YME1L1: variants seen among roughly 807,000 people sequenced by gnomAD.
The protein encoded by YME1L1 is YME1 like 1 ATPase, also known as ATP-dependent zinc metalloprotease YME1L1.
In YME1L1, 39 loss-of-function variants were observed where a neutral mutation model predicts 90.4. The observed-to-expected ratio is 0.43, with a 90% confidence interval of 0.33 to 0.56. The LOEUF is 0.56. Among genes scored for constraint, YME1L1 ranks in the 20% least tolerant of loss-of-function variants. The probability of loss-of-function intolerance (pLI) is 0.03; values close to 1 mark genes in which losing one functional copy is unlikely to be tolerated. For missense variants in YME1L1, 617 were observed against 868.4 expected, an observed-to-expected ratio of 0.71 and a Z score of 3.64; for synonymous variants, 284 against 287.3, an observed-to-expected ratio of 0.99 and a Z score of 0.12.
chr10:27,144,794 G>C (rs541620920), intron 3 of YME1L1, among the ~76,000 whole-genome samples: 19 of 152,244 alleles, frequency 1.2e-4, no homozygotes, highest in African/African-American at 3.6e-4. Context: ...CTAGTGATTT[G>C]GTGAAAACAA....
chr10:27,118,326 G>C (rs1280318289), intron 14 of YME1L1, among the ~76,000 whole-genome samples: 1 of 152,014 alleles, frequency 6.6e-6, no homozygotes, highest in African/African-American at 2.4e-5. Context: ...CTGTAACCCA[G>C]GCTGGAATAC....
At chr10:27,137,643 G>A (rs186757026) in intron 4 of YME1L1, among the ~76,000 whole-genome samples, 48 of 152,116 alleles carry the variant, frequency 3.2e-4, no homozygotes, top group Admixed American at 1.9e-3. Context: ...CAAGTCTGAC[G>A]GGCAAAAATA....
intron 2 of YME1L1, chr10:27,147,348 TAAAAC>T: frequency 1.4e-6 from 2 of 1,427,546 alleles, no homozygotes; most frequent in South Asian, 1.2e-5. Context: ...TTAAAAATGA[TAAAAC>T]AAACAAACAA....
At chr10:27,113,807 T>C (rs1356754143) in intron 18 of YME1L1, among the ~76,000 whole-genome samples, 1 of 150,810 alleles carries the variant, frequency 6.6e-6, no homozygotes, top group African/African-American at 2.4e-5. Context: ...CTGGGCAATA[T>C]AGCAAGACCC....
Position 27,127,577 on chromosome 10 carries a change from T to C in YME1L1, c.859-791A>G, listed in dbSNP as rs530468718. ...AAATAAACCTCAACTCCAAGTAACA[T>C]AGATGGATCTCACAAACATGTTGAA... On this transcript the variant is annotated intron_variant, in intron 8 of 18. Coordinates refer to ENST00000376016, the MANE Select transcript of YME1L1 (RefSeq NM_014263.4). 2.2e-4 allele frequency among the ~76,000 whole-genome samples: 34 copies of C among 152,292 alleles called. 1 individual carries two copies. The East Asian group carries it at 4.8e-3, about 22-fold the overall frequency.
intron 2 of YME1L1, among the ~76,000 whole-genome samples, chr10:27,148,047 C>A (rs1490951494): frequency 1.3e-5 from 2 of 152,144 alleles, no homozygotes; most frequent in African/African-American, 4.8e-5. Flanking sequence ...CTGACTCTAT[C>A]TCAGCCCTAG....
At chr10:27,117,544 G>T (rs771231660) in intron 15 of YME1L1, 32 bp downstream of exon 15, 3 of 1,606,308 alleles carry the variant, frequency 1.9e-6, no homozygotes, top group South Asian at 1.1e-5. Flanking sequence ...CTCCAGCCTG[G>T]GTGACAGGGC....
At position 27,154,325 on chromosome 10, in the gene YME1L1, C is replaced by T; in HGVS notation, c.-115G>A. 7.8e-7 allele frequency: 1 copy of T among 1,285,474 alleles called. No individual in the cohort carries two copies. The allele number at this position is 1,285,474 out of a possible 1,614,324, so 79.6% of individuals were successfully genotyped here. On this transcript the variant is annotated 5_prime_UTR_variant, in exon 1 of 19. Coordinates refer to ENST00000376016, the MANE Select transcript of YME1L1 (RefSeq NM_014263.4). ...TTCCTTTTTCTCCGACCCGTTGCCC[C>T]TCACTCCTCCCAGAAACGGAAAATG...
Position 27,134,974 on chromosome 10 carries a change from A to C in YME1L1, c.548T>G (p.Leu183Arg). Residue 183 changes from leucine to arginine, a missense_variant, in exon 6 of 19, where the codon CTT becomes CGT. Around this residue, in one of 4 missense-constraint regions of YME1L1, gnomAD observed 311 missense variants for 335.8 expected, o/e 0.93. Transcript: ENST00000376016. ...AACATCTGATCCTCTGTCCCGCAAA[A>C]GAAACCCCTGAATACACAAACAACA... ...NIAPSFVKGFLLRDRGSDVES... is the reference protein window; with the variant it reads ...NIAPSFVKGFRLRDRGSDVES... 1 of 1,612,380 alleles carries C rather than the reference A, an allele frequency of 6.2e-7. No homozygotes were observed. Among genetic ancestry groups the C allele is most frequent in the South Asian group, 1.1e-5 (1 of 91,006 alleles).
intron 7 of YME1L1, among the ~76,000 whole-genome samples, chr10:27,132,391 G>T (rs111650450): frequency 0.052 from 7,911 of 152,032 alleles, 216 homozygotes; most frequent in African/African-American, 0.069. Flanking sequence ...GAGCCACTAC[G>T]CCCGGCTGGT....
intron 13 of YME1L1, 49 bp downstream of exon 13, chr10:27,120,386 G>T: frequency 1.5e-6 from 2 of 1,326,864 alleles, no homozygotes; most frequent in Non-Finnish European, 2.2e-6. Flanking sequence ...CAGGGTGAGT[G>T]GTATATTACC....
intron 4 of YME1L1, among the ~76,000 whole-genome samples, chr10:27,138,770 T>C (rs971014957): frequency 6.6e-6 from 1 of 152,090 alleles, no homozygotes; most frequent in African/African-American, 2.4e-5. Context: ...GACTTACATA[T>C]GGCTCATTTC....
chr10:27,126,179 A>C (rs1367929365), intron 9 of YME1L1, among the ~76,000 whole-genome samples: 2 of 152,208 alleles, frequency 1.3e-5, no homozygotes, highest in African/African-American at 4.8e-5. Flanking sequence ...GCGCTGGCTC[A>C]TGCCTGCAGT....
At chr10:27,119,821 C>CA (rs34827143) in intron 13 of YME1L1, among the ~76,000 whole-genome samples, 3,243 of 132,696 alleles carry the variant, frequency 0.024, 123 homozygotes, top group African/African-American at 0.077. Context: ...AAAAAAAAAC[C>CA]AAAAAAAAAA....
chr10:27,111,832 A>G lies in YME1L1; in HGVS notation c.*145T>C, dbSNP rs765685897. 3.7e-6 allele frequency: 4 copies of G among 1,088,126 alleles called. No homozygotes were observed. Among genetic ancestry groups the G allele is most frequent in the Non-Finnish European group, 2.8e-6 (2 of 717,146 alleles). 67.4% of individuals were successfully genotyped at this position (1,088,126 alleles called of 1,614,324 possible). A position where few individuals can be genotyped will look rare whatever the true frequency, so the allele number is the denominator to read the frequency against. On this transcript the variant is annotated 3_prime_UTR_variant, in exon 19 of 19. Coordinates refer to ENST00000376016, the MANE Select transcript of YME1L1 (RefSeq NM_014263.4). Reference sequence around the variant, plus strand: ...TAATGAGAATAACCCAAACTGGATAAATGTGACAAATGATTGACAAAGCAT... The same window carrying G: ...TAATGAGAATAACCCAAACTGGATAGATGTGACAAATGATTGACAAAGCAT...
At chr10:27,127,388 T>G (rs1438278756) in intron 8 of YME1L1, among the ~76,000 whole-genome samples, 2 of 152,202 alleles carry the variant, frequency 1.3e-5, no homozygotes, top group Non-Finnish European at 1.5e-5. Flanking sequence ...TGTCCATTCC[T>G]AGGTCCAGGA....
chr10:27,129,805 T>C (rs2056959513), intron 8 of YME1L1, among the ~76,000 whole-genome samples: 1 of 152,176 alleles, frequency 6.6e-6, no homozygotes, highest in African/African-American at 2.4e-5. Context: ...AACAGTTTTA[T>C]TTCCTGTTTC....
chr10:27,152,097 CAGTA>C lies in YME1L1; in HGVS notation c.33+2077_33+2080del, dbSNP rs1352481345. Among the ~76,000 whole-genome samples the C allele has an allele frequency of 3.3e-5, 5 of 151,790 alleles. No homozygotes were observed. The South Asian group carries it at 8.3e-4, about 25-fold the overall frequency. The stretch of plus-strand genomic sequence containing the variant: ...TATCATTTTTAGAGTCAGAAAGAAA[CAGTA>C]AGTTCCTTACAGCCTGGGGGCAGTA... On this transcript the variant is annotated intron_variant, in intron 1 of 18. Transcript: ENST00000376016.
At chr10:27,121,319 G>C in intron 12 of YME1L1, 67 bp downstream of exon 12, 1 of 1,114,860 alleles carries the variant, frequency 9.0e-7, no homozygotes, top group Non-Finnish European at 1.4e-6. Context: ...CTTTTGCAAC[G>C]GACTTCTTTT....
Sources: allele counts gnomAD v4.1 joint callset (sites outside exome capture counted in the v4.1 genomes callset), GRCh38; gene constraint gnomAD v4.1.1; regional missense constraint gnomAD v4.1.1; transcripts MANE v1.5; gene names NCBI Gene and HGNC (gene_info 2026-07-23, HGNC 2026-07-21).